The following GDI2 variants were observed in gnomAD, a reference collection of about 807,000 sequenced individuals.
The protein encoded by GDI2 is rab GDP dissociation inhibitor beta.
In GDI2, 22 loss-of-function variants were observed where a neutral mutation model predicts 54.2. The ratio of observed to expected loss-of-function variants is 0.41; its 90% CI spans 0.29 to 0.58. The LOEUF (loss-of-function observed/expected upper bound fraction) is 0.58, where lower values mean the gene tolerates loss of function less well. Ranked by LOEUF, GDI2 falls within the 20% of genes least tolerant of loss-of-function variation. The pLI is 0.35. For missense variants in GDI2, 422 were observed against 546.0 expected (o/e 0.77, Z 2.26); for synonymous variants, 177 against 182.1 (o/e 0.97, Z 0.23).
chr10:5,781,906 G>A (rs1379859902), intron 6 of GDI2, among the ~76,000 whole-genome samples: 4 of 151,736 alleles, frequency 2.6e-5, no homozygotes, highest in South Asian at 2.1e-4. Context: ...CCAGCTACTC[G>A]GGAGGCTGAG....
At chr10:5,800,954 TTTA>T (rs1054958608) in intron 1 of GDI2, among the ~76,000 whole-genome samples, 1 of 152,000 alleles carries the variant, frequency 6.6e-6, no homozygotes, top group African/African-American at 2.4e-5. Context: ...ATTTTTTTTT[TTTA>T]TTTATTTTTT....
intron 6 of GDI2, among the ~76,000 whole-genome samples, chr10:5,781,329 A>G (rs1053500838): frequency 6.6e-6 from 1 of 151,974 alleles, no homozygotes; most frequent in Non-Finnish European, 1.5e-5. Flanking sequence ...GGGGCAAGTA[A>G]AAGACTTCTA....
intron 1 of GDI2, among the ~76,000 whole-genome samples, chr10:5,812,709 G>A (rs1841502531): frequency 6.6e-6 from 1 of 152,224 alleles, no homozygotes; most frequent in African/African-American, 2.4e-5. Context: ...TAGCAGTTCC[G>A]AAGCAGTGAT....
intron 6 of GDI2, among the ~76,000 whole-genome samples, chr10:5,783,379 G>C (rs1840804636): frequency 6.6e-6 from 1 of 152,152 alleles, no homozygotes; most frequent in South Asian, 2.1e-4. Context: ...CAGATACTTG[G>C]TTGATGAGTT....
At chr10:5,769,030 T>C (rs1840424459) in intron 7 of GDI2, 1 of 152,218 alleles carries the variant, frequency 6.6e-6, no homozygotes, top group Non-Finnish European at 1.5e-5. Context: ...CATGTGCCTG[T>C]AACCCCAGCT....
At chr10:5,789,771 G>C (rs1026339048) in intron 4 of GDI2, among the ~76,000 whole-genome samples, 2 of 152,154 alleles carry the variant, frequency 1.3e-5, no homozygotes, top group Non-Finnish European at 2.9e-5. Flanking sequence ...CACAAACACA[G>C]ACCATACACG....
chr10:5,804,630 A>T (rs1841338038), intron 1 of GDI2, among the ~76,000 whole-genome samples: 1 of 152,128 alleles, frequency 6.6e-6, no homozygotes, highest in Non-Finnish European at 1.5e-5. Context: ...TGGTCTATTT[A>T]TTATCATTGC....
chr10:5,810,267 T>C (rs1858447), intron 1 of GDI2, among the ~76,000 whole-genome samples: 51,074 of 152,030 alleles, frequency 0.34, 8,957 homozygotes, highest in Non-Finnish European at 0.38. Context: ...ATTCATAAAT[T>C]CTTACTGTGT....
At chr10:5,770,200 G>C (rs1251760974) in intron 7 of GDI2, among the ~76,000 whole-genome samples, 1 of 152,182 alleles carries the variant, frequency 6.6e-6, no homozygotes, top group Non-Finnish European at 1.5e-5. Flanking sequence ...AAGTAGAATG[G>C]TGCTTGCCAG....
At chr10:5,792,103 T>C (rs757949605) in intron 4 of GDI2, among the ~76,000 whole-genome samples, 99 of 152,206 alleles carry the variant, frequency 6.5e-4, no homozygotes, top group South Asian at 1.0e-3. Context: ...AGAAGGTATG[T>C]AATCATTGTT....
intron 6 of GDI2, among the ~76,000 whole-genome samples, chr10:5,780,056 A>G (rs1224748254): frequency 6.6e-6 from 1 of 152,070 alleles, no homozygotes; most frequent in Non-Finnish European, 1.5e-5. Flanking sequence ...CCAAAATACA[A>G]AAGTTAGCCA....
At chr10:5,772,661 G>A (rs1840516653) in intron 7 of GDI2, among the ~76,000 whole-genome samples, 1 of 152,170 alleles carries the variant, frequency 6.6e-6, no homozygotes, top group Non-Finnish European at 1.5e-5. Flanking sequence ...GGAGGCTGAG[G>A]TAGGAGAATC....
chr10:5,801,708 G>A (rs1841273046), intron 1 of GDI2, among the ~76,000 whole-genome samples: 1 of 150,830 alleles, frequency 6.6e-6, no homozygotes, highest in Non-Finnish European at 1.5e-5. Context: ...CTTGATAAAA[G>A]CATTAAAAAG....
chr10:5,786,933 G>A (rs1214235949), intron 4 of GDI2, among the ~76,000 whole-genome samples: 1 of 152,166 alleles, frequency 6.6e-6, no homozygotes, highest in Non-Finnish European at 1.5e-5. Context: ...CTAAAAAACA[G>A]ATGAAGAAGC....
chr10:5,794,686 C>A (rs532018627), intron 4 of GDI2, among the ~76,000 whole-genome samples, 199 bp downstream of exon 4: 28 of 152,290 alleles, frequency 1.8e-4, no homozygotes, highest in African/African-American at 6.7e-4. Flanking sequence ...ATCATTTAAA[C>A]TCTAAGCTTC....
At chr10:5,790,222 T>C (rs995977697) in intron 4 of GDI2, among the ~76,000 whole-genome samples, 2 of 152,198 alleles carry the variant, frequency 1.3e-5, no homozygotes, top group African/African-American at 2.4e-5. Flanking sequence ...CTCATACACA[T>C]ACAACCTAAA....
At position 5,813,285 on chromosome 10, in the gene GDI2, C is replaced by G. The variant is rs1238983165; in HGVS notation, c.-27G>C. ...GCGGGGCAGGCGCGGACGCAGGACC[C>G]GAGCAAGGAAAAGGCGCAGGGGCTC... On this transcript the variant is annotated 5_prime_UTR_variant, in exon 1 of 11. Transcript: ENST00000380191. 7 of 1,563,062 alleles carry G rather than the reference C, an allele frequency of 4.5e-6. No individual in the cohort carries two copies. In the East Asian group the frequency reaches 7.1e-5, roughly 16 times the overall value.
intron 8 of GDI2, among the ~76,000 whole-genome samples, chr10:5,767,356 A>G (rs1358201185): frequency 6.6e-6 from 1 of 151,902 alleles, no homozygotes; most frequent in Admixed American, 6.6e-5. Context: ...TCTGTCACCC[A>G]GGTTGGAGAC....
intron 7 of GDI2, among the ~76,000 whole-genome samples, chr10:5,771,264 A>C (rs1186165626): frequency 1.3e-5 from 2 of 152,212 alleles, no homozygotes; most frequent in Non-Finnish European, 2.9e-5. Flanking sequence ...TGTGTTGCAC[A>C]GTATTCAGAA....
Sources: allele counts gnomAD v4.1 joint callset (sites outside exome capture counted in the v4.1 genomes callset), GRCh38; gene constraint gnomAD v4.1.1; transcripts MANE v1.5; gene names NCBI Gene and HGNC (gene_info 2026-07-23, HGNC 2026-07-21).